PDE11A: variants seen among roughly 807,000 people sequenced by gnomAD.
PDE11A encodes dual 3',5'-cyclic-AMP and -GMP phosphodiesterase 11A.
A neutral mutation model predicts 100.5 loss-of-function variants in PDE11A; 100 were observed. The observed-to-expected ratio is 1.00, with a 90% CI of 0.85 to 1.18. The LOEUF is 1.18. Among genes scored for constraint, PDE11A ranks in the 50% most tolerant of loss-of-function variants. The pLI is 0.00. For synonymous variants in PDE11A, 381 were observed against 420.8 expected (o/e 0.91, Z 1.16); for missense variants, 1,141 against 1,152.6 (o/e 0.99, Z 0.15).
chr2:177,914,643 G>T (rs1227543765), intron 2 of PDE11A, among the ~76,000 whole-genome samples: 1 of 152,146 alleles, frequency 6.6e-6, no homozygotes, highest in Non-Finnish European at 1.5e-5. Flanking sequence ...AATGCAGGAA[G>T]CTACACAATA....
intron 2 of PDE11A, among the ~76,000 whole-genome samples, chr2:178,097,270 A>G (rs1365628852): frequency 6.6e-6 from 1 of 152,234 alleles, no homozygotes; most frequent in Non-Finnish European, 1.5e-5. Flanking sequence ...TCACACTGCT[A>G]TAAAGAAATA....
chr2:177,949,802 TAG>T (rs1482589295), intron 2 of PDE11A, among the ~76,000 whole-genome samples: 1 of 152,198 alleles, frequency 6.6e-6, no homozygotes, highest in Admixed American at 6.5e-5. Flanking sequence ...TCAAAGACAG[TAG>T]AGTCATTTCA....
intron 1 of PDE11A, among the ~76,000 whole-genome samples, chr2:178,044,866 T>C (rs565799806): frequency 9.9e-5 from 15 of 152,252 alleles, no homozygotes; most frequent in African/African-American, 2.9e-4. Context: ...TTTTGGGGGA[T>C]GTTATACCCC....
chr2:177,772,202 T>C (rs1041362459), intron 9 of PDE11A, among the ~76,000 whole-genome samples: 1 of 152,068 alleles, frequency 6.6e-6, no homozygotes, highest in Admixed American at 6.6e-5. Flanking sequence ...AAATGTTGTA[T>C]TGAGAGATAA....
chr2:177,914,849 C>G (rs2084929124), intron 2 of PDE11A, among the ~76,000 whole-genome samples: 2 of 152,242 alleles, frequency 1.3e-5, no homozygotes, highest in Middle Eastern at 3.4e-3. Flanking sequence ...TCTTCACTGT[C>G]TCGTTTATCA....
intron 1 of PDE11A, among the ~76,000 whole-genome samples, chr2:178,038,081 TG>T (rs1477714161): frequency 6.6e-6 from 1 of 152,118 alleles, no homozygotes; most frequent in Non-Finnish European, 1.5e-5. Context: ...TACCCTTTAA[TG>T]TAAATATTCA....
chr2:177,881,695 C>T (rs2084346023), intron 4 of PDE11A, among the ~76,000 whole-genome samples: 1 of 152,224 alleles, frequency 6.6e-6, no homozygotes, highest in Non-Finnish European at 1.5e-5. Flanking sequence ...ATCTGGCCTA[C>T]CACCTGTTTT....
intron 10 of PDE11A, among the ~76,000 whole-genome samples, chr2:177,755,558 C>T (rs989319954): frequency 3.3e-5 from 5 of 152,206 alleles, no homozygotes; most frequent in African/African-American, 7.2e-5. Context: ...CCTTCTGCTG[C>T]GACCCCATGT....
chr2:177,648,608 T>C (rs1255823431), intron 19 of PDE11A, among the ~76,000 whole-genome samples: 3 of 151,984 alleles, frequency 2.0e-5, no homozygotes, highest in Non-Finnish European at 4.4e-5. Context: ...TAGAAAATAT[T>C]GAAAAAGAAT....
chr2:178,018,522 T>G, intron 1 of PDE11A: 1 of 442,134 alleles, frequency 2.3e-6, no homozygotes, highest in South Asian at 1.8e-5. Context: ...AGTACTTATC[T>G]TTGCCTCTGC....
chr2:177,659,267 GA>G lies in PDE11A; in HGVS notation c.2646+4598del, dbSNP rs71010812. ...CAAGAGCAAAATTCTATCTCAGGGG[GA>G]AAAAAAAAAAAAAAAAAAAAGTGAA... is the stretch of plus-strand genomic sequence containing the variant. On this transcript the variant is annotated intron_variant, in intron 19 of 19. Transcript: ENST00000286063. Among the ~76,000 whole-genome samples the G allele has an allele frequency of 3.8e-3, 490 of 128,174 alleles. 2 individuals carry two copies. Among genetic ancestry groups the G allele is most frequent in the East Asian group, 6.5e-3 (29 of 4,486 alleles). The allele number at this position is 128,174 out of a possible 152,430, so 84.1% of individuals were successfully genotyped here. A position where few individuals can be genotyped will look rare whatever the true frequency, so the allele number is the denominator to read the frequency against.
Position 178,095,360 on chromosome 2 carries a change from G to T in PDE11A, c.162+8942C>A, listed in dbSNP as rs571930904. Among the ~76,000 whole-genome samples, 14 of 151,782 alleles carry T rather than the reference G, an allele frequency of 9.2e-5. No individual in the cohort carries two copies. The South Asian group carries it at 1.0e-3, about 11-fold the overall frequency. Reference sequence around the variant, plus strand: ...TCCAGCACGGCAGTCAAATCTTAAAGCTCCAAAATGATCTCCTTTGACTTC... The same window carrying T: ...TCCAGCACGGCAGTCAAATCTTAAATCTCCAAAATGATCTCCTTTGACTTC... On this transcript the variant is annotated intron_variant, in intron 2 of 20. Coordinates refer to the PDE11A transcript ENST00000358450.
intron 18 of PDE11A, 142 bp from the exon 19 acceptor site, chr2:177,664,091 T>C (rs1574020943): frequency 1.5e-6 from 1 of 648,934 alleles, no homozygotes; most frequent in Non-Finnish European, 2.8e-6. Context: ...ACACATACTT[T>C]CTTTTCCTTT....
chr2:177,972,166 GAA>G (rs1287404938), intron 2 of PDE11A, among the ~76,000 whole-genome samples: 3 of 152,252 alleles, frequency 2.0e-5, no homozygotes, highest in East Asian at 3.9e-4. Flanking sequence ...TCATGAAAAG[GAA>G]AAAGACCACT....
intron 15 of PDE11A, among the ~76,000 whole-genome samples, chr2:177,691,850 C>G (rs2081044916): frequency 1.3e-5 from 2 of 152,118 alleles, no homozygotes; most frequent in African/African-American, 4.8e-5. Context: ...CTTCATGTTC[C>G]TAGAATTTGT....
intron 1 of PDE11A, among the ~76,000 whole-genome samples, chr2:178,061,467 A>G (rs1475084074): frequency 1.3e-5 from 2 of 152,194 alleles, no homozygotes; most frequent in African/African-American, 4.8e-5. Flanking sequence ...AGTGTGTGTC[A>G]GTCTTGAGAC....
intron 9 of PDE11A, 21 bp downstream of exon 9, chr2:177,816,808 T>G: frequency 7.9e-6 from 11 of 1,392,586 alleles, no homozygotes; most frequent in Non-Finnish European, 1.0e-5. Flanking sequence ...CATACAAACC[T>G]GACATAAACA....
intron 2 of PDE11A, chr2:177,921,607 GA>G (rs1441883237): frequency 4.7e-5 from 7 of 150,458 alleles, no homozygotes; most frequent in Admixed American, 1.3e-4. Context: ...CTGATTGGAA[GA>G]TTTTTTTTCC....
chr2:177,896,095 G>A (rs2084607427), intron 4 of PDE11A, among the ~76,000 whole-genome samples: 1 of 152,130 alleles, frequency 6.6e-6, no homozygotes, highest in South Asian at 2.1e-4. Context: ...CCCAACATTA[G>A]TCTTAGAATG....
Sources: gnomAD v4.1 joint callset for allele counts (sites outside exome capture counted in the v4.1 genomes callset) on GRCh38, gnomAD v4.1.1 for gene constraint, MANE v1.5 for transcripts, NCBI Gene and HGNC (gene_info 2026-07-23, HGNC 2026-07-21) for gene names.